COL4A3: variants seen among roughly 807,000 people sequenced by gnomAD.
COL4A3 encodes collagen type IV alpha 3 chain.
A neutral mutation model predicts 217.4 loss-of-function variants in COL4A3; 135 were observed. The observed-to-expected ratio is 0.62, with a 90% CI of 0.54 to 0.72. The LOEUF (loss-of-function observed/expected upper bound fraction) is 0.72, where lower values mean the gene tolerates loss of function less well. COL4A3 is among the 30% of genes least tolerant of loss of function. The pLI is 0.00. For synonymous variants in COL4A3, 690 were observed against 736.3 expected (o/e 0.94, Z 1.02); for missense variants, 1,868 against 2,119.9 (o/e 0.88, Z 2.33).
intron 1 of COL4A3, among the ~76,000 whole-genome samples, chr2:227,215,455 T>G (rs1559834143): frequency 6.6e-6 from 1 of 152,068 alleles, no homozygotes; most frequent in Non-Finnish European, 1.5e-5. Flanking sequence ...TGTTTTTGTT[T>G]TTTGTTTGTT....
At chr2:227,271,759 A>G (rs1172726301) in intron 25 of COL4A3, among the ~76,000 whole-genome samples, 2 of 152,156 alleles carry the variant, frequency 1.3e-5, no homozygotes, top group Non-Finnish European at 2.9e-5. Context: ...GGTGTGAGCT[A>G]CTGCACCCAG....
chr2:227,183,452 T>A (rs530141838), intron 1 of COL4A3, among the ~76,000 whole-genome samples: 2 of 151,930 alleles, frequency 1.3e-5, no homozygotes, highest in African/African-American at 4.8e-5. Flanking sequence ...CAGAACAAGG[T>A]GGTGGATGGA....
At chr2:227,216,796 AAGG>A (rs1200570825) in intron 1 of COL4A3, among the ~76,000 whole-genome samples, 1 of 152,184 alleles carries the variant, frequency 6.6e-6, no homozygotes, top group Non-Finnish European at 1.5e-5. Context: ...TTGTTCAGGA[AAGG>A]AGGATTATGT....
At chr2:227,186,387 C>G (rs1010832962) in intron 1 of COL4A3, among the ~76,000 whole-genome samples, 1 of 152,142 alleles carries the variant, frequency 6.6e-6, no homozygotes, top group Admixed American at 6.5e-5. Flanking sequence ...TAAGGGGAGA[C>G]TCTGCTGTCA....
chr2:227,292,253 T>A (rs4390761), intron 37 of COL4A3, among the ~76,000 whole-genome samples: 7 of 151,940 alleles, frequency 4.6e-5, no homozygotes, highest in Non-Finnish European at 8.8e-5. Context: ...AAGAAAAAAA[T>A]TTAGACACTA....
rs934545535 is a variant in COL4A3, at chr2:227,250,267, C to T, written c.547-873C>T. Among the ~76,000 whole-genome samples, 11 of 151,814 alleles carry T rather than the reference C, an allele frequency of 7.2e-5. No individual in the cohort carries two copies. Among genetic ancestry groups the T allele is most frequent in the African/African-American group, 9.7e-5 (4 of 41,302 alleles). On this transcript the variant is annotated intron_variant, in intron 9 of 51. Transcript: ENST00000396578. The surrounding 1 kb of genome is among the most constrained non-coding windows in gnomAD (Gnocchi z 4.1). ...GGCAGAGGCTGCAGTGAGCAGAGAT[C>T]GTACCACTGCACTCCAGCCTGAGGA...
chr2:227,305,162 A>G, intron 47 of COL4A3, 79 bp downstream of exon 47: 1 of 1,219,262 alleles, frequency 8.2e-7, no homozygotes. Flanking sequence ...GGGTGACTAT[A>G]TGAGTTATCT....
At chr2:227,223,545 C>A (rs2067922257) in intron 1 of COL4A3, among the ~76,000 whole-genome samples, 1 of 144,812 alleles carries the variant, frequency 6.9e-6, no homozygotes, top group Non-Finnish European at 1.5e-5. Flanking sequence ...ACCAGCCTGA[C>A]CAACATGGTG....
rs1468756313 is a variant in COL4A3, at chr2:227,294,498, G to A, written c.3346G>A (p.Gly1116Ser). The change falls in exon 39 of 52, where the codon GGT becomes AGT. Residue 1116 changes from glycine to serine, a missense_variant. Transcript: ENST00000396578. ...CCTCTCTTCATTTCCAGGAAAGCCA[G>A]GTCCTCATGGTGATTTGGGTTTTAA... is the stretch of plus-strand genomic sequence containing the variant. ...PGSPGLPGKP[G>S]PHGDLGFKGI... The A allele has an allele frequency of 6.2e-7, 1 of 1,610,988 alleles. No homozygotes were observed. Among genetic ancestry groups the A allele is most frequent in the African/African-American group, 1.3e-5 (1 of 74,852 alleles).
At chr2:227,218,433 T>C (rs1350800315) in intron 1 of COL4A3, among the ~76,000 whole-genome samples, 1 of 152,036 alleles carries the variant, frequency 6.6e-6, no homozygotes, top group Non-Finnish European at 1.5e-5. Context: ...GCCACTGCAC[T>C]CCAGCCTGGG....
At chr2:227,290,239 T>C (rs2072604631) in intron 36 of COL4A3, 151 bp downstream of exon 36, 1 of 738,748 alleles carries the variant, frequency 1.4e-6, no homozygotes. Flanking sequence ...GGCTCATGCC[T>C]GTAATCCCAG....
At chr2:227,309,463 A>G (rs370353489) in intron 50 of COL4A3, 145 bp downstream of exon 50, 2 of 317,262 alleles carry the variant, frequency 6.3e-6, no homozygotes, top group East Asian at 4.9e-5. Flanking sequence ...AAAATCTACA[A>G]ACAGACTTTT....
At chr2:227,246,796 A>G in intron 7 of COL4A3, 58 bp downstream of exon 7, 1 of 1,393,978 alleles carries the variant, frequency 7.2e-7, no homozygotes, top group Non-Finnish European at 1.0e-6. Flanking sequence ...ACAGTGGTCT[A>G]CTCCATATGG....
chr2:227,304,247 G>A, intron 46 of COL4A3, 103 bp downstream of exon 46: 1 of 1,456,890 alleles, frequency 6.9e-7, no homozygotes, highest in Non-Finnish European at 9.6e-7. Context: ...AGAAAATGTT[G>A]AACATGATAG....
At chr2:227,197,086 T>C (rs566539297) in intron 1 of COL4A3, among the ~76,000 whole-genome samples, 2 of 98,554 alleles carry the variant, frequency 2.0e-5, no homozygotes, top group Admixed American at 9.3e-5. Flanking sequence ...CCATGTAAGA[T>C]GTGCCTTTCG....
Position 227,266,425 on chromosome 2 carries a change from G to C in COL4A3, c.1324G>C (p.Val442Leu). ...PGPPGPPGDI[V>L]FRKGPPGDHG... ...GTGCTGTATTTTTATAGGTGACATC[G>C]TTTTTCGCAAGGGTCCACCTGGAGA... The change falls in exon 22 of 52, where the codon GTT becomes CTT. Residue 442 changes from valine to leucine, a missense_variant. Around this residue, in one of 2 missense-constraint regions of COL4A3, gnomAD observed 1,503 missense variants for 1,786.1 expected, o/e 0.84. Transcript: ENST00000396578. 7.4e-6 allele frequency: 12 copies of C among 1,613,862 alleles called. No individual in the cohort carries two copies. Among genetic ancestry groups the C allele is most frequent in the Non-Finnish European group, 1.0e-5 (12 of 1,179,818 alleles).
At chr2:227,197,534 A>G (rs116153356) in intron 1 of COL4A3, among the ~76,000 whole-genome samples, 1 of 149,350 alleles carries the variant, frequency 6.7e-6, no homozygotes, top group Non-Finnish European at 1.5e-5. Flanking sequence ...CTGTATACTT[A>G]AAAAAAAATC....
chr2:227,226,044 T>C (rs890153167), intron 1 of COL4A3, among the ~76,000 whole-genome samples: 4 of 152,106 alleles, frequency 2.6e-5, no homozygotes, highest in African/African-American at 9.7e-5. Context: ...GCATTTTACT[T>C]GCTTTATGGT....
At position 227,248,436 on chromosome 2, in the gene COL4A3, T is replaced by C. The variant is rs1383753598; in HGVS notation, c.469-7T>C. On this transcript the variant is annotated splice_polypyrimidine_tract_variant and splice_region_variant and intron_variant, in intron 8 of 51. Coordinates refer to ENST00000396578, the MANE Select transcript of COL4A3 (RefSeq NM_000091.5). ...GATGATGTTTGATGAACTTCTTCAT[T>C]TTCAAGGGTGCTCCTGCTAAAGAAG... The C allele has an allele frequency of 5.7e-6, 9 of 1,592,812 alleles. No individual in the cohort carries two copies. The highest frequency in any genetic ancestry group is 7.8e-6 in the Non-Finnish European group (9 of 1,160,626).
Sources: allele counts gnomAD v4.1 joint callset (sites outside exome capture counted in the v4.1 genomes callset), GRCh38; gene constraint gnomAD v4.1.1; regional missense constraint gnomAD v4.1.1; non-coding constraint Gnocchi (gnomAD v3.1); transcripts MANE v1.5; gene names NCBI Gene and HGNC (gene_info 2026-07-23, HGNC 2026-07-21).